Variants in COG2 observed in about 807,000 individuals in gnomAD.
COG2 encodes the protein component of oligomeric golgi complex 2.
In COG2, 52 loss-of-function variants were observed where a neutral mutation model predicts 90.6. That is an observed-to-expected ratio of 0.57 (90% CI 0.46 to 0.72). The LOEUF (loss-of-function observed/expected upper bound fraction) is 0.72, where lower values mean the gene tolerates loss of function less well. Among genes scored for constraint, COG2 ranks in the 30% least tolerant of loss-of-function variants. COG2 has a pLI of 0.00. For synonymous variants in COG2, 337 were observed against 320.4 expected, an observed-to-expected ratio of 1.05 and a Z score of -0.55; for missense variants, 829 against 891.2, an observed-to-expected ratio of 0.93 and a Z score of 0.89.
chr1:230,661,952 A>G (rs1662189257), intron 3 of COG2, among the ~76,000 whole-genome samples: 1 of 151,806 alleles, frequency 6.6e-6, no homozygotes, highest in Non-Finnish European at 1.5e-5. Flanking sequence ...CCTTCTTTTC[A>G]GTGTACCTCT....
At position 230,688,116 on chromosome 1, in the gene COG2, G is replaced by A. The variant is rs1271863417; in HGVS notation, c.1624G>A (p.Gly542Ser). The A allele has an allele frequency of 6.3e-7, 1 of 1,599,028 alleles. No homozygotes were observed. Among genetic ancestry groups the A allele is most frequent in the Admixed American group, 1.8e-5 (1 of 56,690 alleles). Reference protein sequence around the residue: ...EIIKPKLEMIGFKNFSSISAA... With the variant: ...EIIKPKLEMISFKNFSSISAA... ...AATCAAGCCAAAACTTGAAATGATT[G>A]GCTTTAAGAATTTTTCTTCTATCTC... is the stretch of plus-strand genomic sequence containing the variant. The change falls in exon 14 of 18, where the codon GGC (glycine) becomes AGC (serine). Residue 542 changes from glycine to serine, a missense_variant. Gly to Ser is a moderately conservative substitution (Grantham distance 56). Coordinates refer to ENST00000366669, the MANE Select transcript of COG2 (RefSeq NM_007357.3).
At position 230,693,605 on chromosome 1, in the gene COG2, G is replaced by T; in HGVS notation, c.*212G>T. 1 of 404,490 alleles carries T rather than the reference G, an allele frequency of 2.5e-6. No individual in the cohort carries two copies. The highest frequency in any genetic ancestry group is 3.9e-5 in the East Asian group (1 of 25,952). 25.1% of individuals were successfully genotyped at this position (404,490 alleles called of 1,614,324 possible). A position where few individuals can be genotyped will look rare whatever the true frequency, so the allele number is the denominator to read the frequency against. ...CACAAAAGCCTTTTTCCATTGTATG[G>T]AAGATAGTTTTTAAGACATTTGAAA... On this transcript the variant is annotated 3_prime_UTR_variant, in exon 18 of 18. Coordinates refer to ENST00000366669, the MANE Select transcript of COG2 (RefSeq NM_007357.3).
intron 5 of COG2, among the ~76,000 whole-genome samples, chr1:230,665,349 T>C (rs557609833): frequency 3.9e-5 from 6 of 152,314 alleles, no homozygotes; most frequent in Admixed American, 6.5e-5. Context: ...CATACATGTC[T>C]AGTTTGAGCC....
rs760604077 is a variant in COG2, at chr1:230,660,741, A to G, written c.235-17A>G. 12 of 1,569,684 alleles carry G rather than the reference A, an allele frequency of 7.6e-6. No homozygotes were observed. The African/African-American group carries it at 9.7e-5, about 13-fold the overall frequency. On this transcript the variant is annotated splice_polypyrimidine_tract_variant and intron_variant, in intron 2 of 17. Coordinates refer to ENST00000366669, the MANE Select transcript of COG2 (RefSeq NM_007357.3). ...TTGATTGTGAGGTGTGTGTGCCAAC[A>G]TGATTTCTGCCTTTAGGTTGGCATG...
intron 1 of COG2, 85 bp from the exon 2 acceptor site, chr1:230,659,379 T>C (rs1004477100): frequency 1.8e-6 from 2 of 1,112,140 alleles, no homozygotes; most frequent in Non-Finnish European, 1.4e-6. Flanking sequence ...GGGAATGGGC[T>C]TTCTTACTCT....
At chr1:230,653,339 G>T (rs1342180339) in intron 1 of COG2, among the ~76,000 whole-genome samples, 2 of 151,446 alleles carry the variant, frequency 1.3e-5, no homozygotes, top group African/African-American at 4.9e-5. Flanking sequence ...TCATGGCTCA[G>T]CCTCCCGAGT....
At chr1:230,666,093 C>T (rs1267370044) in intron 5 of COG2, among the ~76,000 whole-genome samples, 10 of 152,196 alleles carry the variant, frequency 6.6e-5, no homozygotes, top group Non-Finnish European at 1.2e-4. Context: ...AGTCCTCAGA[C>T]TCATCAGTCT....
intron 8 of COG2, among the ~76,000 whole-genome samples, chr1:230,673,213 CCA>C (rs1385350730): frequency 6.6e-6 from 1 of 152,172 alleles, no homozygotes; most frequent in Non-Finnish European, 1.5e-5. Context: ...TGGATCTTTT[CCA>C]CAGTTTTTAG....
At chr1:230,656,594 C>G (rs1662058253) in intron 1 of COG2, among the ~76,000 whole-genome samples, 1 of 152,014 alleles carries the variant, frequency 6.6e-6, no homozygotes, top group Non-Finnish European at 1.5e-5. Flanking sequence ...CTATTAGGTC[C>G]TCTTGGTCCA....
Position 230,667,764 on chromosome 1 carries a change from G to C in COG2, c.486-912G>C, listed in dbSNP as rs1178425510. On this transcript the variant is annotated intron_variant, in intron 5 of 17. Transcript: ENST00000366669. ...GTGGACCACTGATGGTCTCAGTGCA[G>C]CATTTTATATGTCCTCATGATAGGG... is the stretch of plus-strand genomic sequence containing the variant. Among the ~76,000 whole-genome samples, 3 of 152,264 alleles carry C rather than the reference G, an allele frequency of 2.0e-5. No homozygotes were observed. The East Asian group carries it at 5.8e-4, about 29-fold the overall frequency.
chr1:230,643,563 T>TA (rs1661681731), intron 1 of COG2, among the ~76,000 whole-genome samples: 1 of 147,980 alleles, frequency 6.8e-6, no homozygotes, highest in African/African-American at 2.5e-5. Flanking sequence ...GTTGAAATCT[T>TA]ACTCTGCCTT....
chr1:230,690,846 A>G (rs1663008019), intron 16 of COG2, among the ~76,000 whole-genome samples: 1 of 152,232 alleles, frequency 6.6e-6, no homozygotes, highest in Non-Finnish European at 1.5e-5. Flanking sequence ...CCAAGTAACC[A>G]GCTTGTAGAC....
Position 230,688,139 on chromosome 1 carries a change from C to G in COG2, c.1647C>G (p.Ile549Met). Residue 549 changes from isoleucine to methionine, a missense_variant, in exon 14 of 18, where the codon ATC (isoleucine) becomes ATG (methionine). Coordinates refer to ENST00000366669, the MANE Select transcript of COG2 (RefSeq NM_007357.3). ...TTGGCTTTAAGAATTTTTCTTCTAT[C>G]TCAGGTAAAAATGAATCTTGACTAA... The part of the protein sequence containing the change: ...EMIGFKNFSS[I>M]SAALEDSQSS... 1 of 1,583,216 alleles carries G rather than the reference C, an allele frequency of 6.3e-7. No homozygotes were observed. The highest frequency in any genetic ancestry group is 8.6e-7 in the Non-Finnish European group (1 of 1,163,396).
intron 1 of COG2, among the ~76,000 whole-genome samples, chr1:230,643,191 G>A (rs1661671864): frequency 6.6e-6 from 1 of 152,222 alleles, no homozygotes; most frequent in African/African-American, 2.4e-5. Context: ...GACTATTGCA[G>A]TACGACAAAG....
intron 2 of COG2, among the ~76,000 whole-genome samples, chr1:230,660,147 G>T (rs1662149418): frequency 6.6e-6 from 1 of 152,132 alleles, no homozygotes; most frequent in Admixed American, 6.5e-5. Flanking sequence ...CCCAAAGTTT[G>T]CCTTTTGGTC....
intron 11 of COG2, among the ~76,000 whole-genome samples, chr1:230,684,768 C>T (rs1571962379): frequency 2.0e-5 from 3 of 152,248 alleles, no homozygotes; most frequent in African/African-American, 7.2e-5. Context: ...GTGATTGCCA[C>T]TCCAGCCCAT....
At chr1:230,660,385 A>G (rs1049991412) in intron 2 of COG2, among the ~76,000 whole-genome samples, 33 of 152,114 alleles carry the variant, frequency 2.2e-4, no homozygotes, top group African/African-American at 8.0e-4. Context: ...GGATAGATAT[A>G]CTCCTTGAGA....
At chr1:230,661,987 G>A (rs984969064) in intron 3 of COG2, among the ~76,000 whole-genome samples, 1 of 151,866 alleles carries the variant, frequency 6.6e-6, no homozygotes. Flanking sequence ...TTGGAGATAG[G>A]GTGTTTTCCG....
At chr1:230,679,240 A>G (rs1662673449) in intron 10 of COG2, 188 bp downstream of exon 10, 2 of 532,196 alleles carry the variant, frequency 3.8e-6, no homozygotes, top group South Asian at 4.4e-5. Context: ...CTTGCATGAC[A>G]AAAAGATAAG....
Sources: gnomAD v4.1 joint callset for allele counts (sites outside exome capture counted in the v4.1 genomes callset) on GRCh38, gnomAD v4.1.1 for gene constraint, MANE v1.5 for transcripts, NCBI Gene and HGNC (gene_info 2026-07-23, HGNC 2026-07-21) for gene names.